RFX4: variants seen among roughly 807,000 people sequenced by gnomAD.
RFX4 encodes the protein transcription factor RFX4.
RFX4 carries 10 observed loss-of-function variants against 95.0 expected under a neutral mutation model. The ratio of observed to expected loss-of-function variants is 0.11; its 90% CI spans 0.06 to 0.18. The LOEUF (loss-of-function observed/expected upper bound fraction) is 0.18, where lower values mean the gene tolerates loss of function less well. Ranked by LOEUF, RFX4 falls within the 10% of genes least tolerant of loss-of-function variation. RFX4 has a pLI of 1.00. For synonymous variants in RFX4, 321 were observed against 340.7 expected (o/e 0.94, Z 0.64); for missense variants, 640 against 922.0 (o/e 0.69, Z 3.96).
chr12:106,635,630 C>A (rs750855583), intron 2 of RFX4, among the ~76,000 whole-genome samples: 5 of 152,100 alleles, frequency 3.3e-5, no homozygotes, highest in Non-Finnish European at 5.9e-5. Context: ...TTTCATATAG[C>A]CTTTTCTTTC....
intron 4 of RFX4, among the ~76,000 whole-genome samples, chr12:106,665,978 CCTTT>C (rs1329395594): frequency 1.3e-5 from 2 of 151,940 alleles, no homozygotes; most frequent in Non-Finnish European, 1.5e-5. Context: ...CAGTCCTCTT[CCTTT>C]CTTTGTGTAA....
chr12:106,614,108 T>C (rs2040018513), intron 2 of RFX4, among the ~76,000 whole-genome samples: 1 of 152,220 alleles, frequency 6.6e-6, no homozygotes, highest in South Asian at 2.1e-4. Context: ...ATAATGACTG[T>C]AGCATCTTAT....
At chr12:106,745,858 A>G (rs2042881929) in intron 15 of RFX4, among the ~76,000 whole-genome samples, 1 of 152,186 alleles carries the variant, frequency 6.6e-6, no homozygotes, top group African/African-American at 2.4e-5. Context: ...ATACTAACAT[A>G]TTTTAAAATT....
intron 5 of RFX4, chr12:106,684,963 T>C: frequency 6.2e-7 from 1 of 1,602,132 alleles, no homozygotes; most frequent in Non-Finnish European, 8.5e-7. Context: ...TGCTCATCTC[T>C]TCCCTCCTCG....
At chr12:106,614,230 A>G (rs2040021098) in intron 2 of RFX4, among the ~76,000 whole-genome samples, 1 of 151,040 alleles carries the variant, frequency 6.6e-6, no homozygotes, top group South Asian at 2.1e-4. Flanking sequence ...GCATGATCTC[A>G]GCTCACTGCA....
chr12:106,600,003 C>A (rs1353803995), intron 1 of RFX4, among the ~76,000 whole-genome samples: 2 of 152,084 alleles, frequency 1.3e-5, no homozygotes, highest in Admixed American at 1.3e-4. Flanking sequence ...TTGCTTATGC[C>A]CCACTCTACT....
intron 5 of RFX4, among the ~76,000 whole-genome samples, chr12:106,685,680 C>A (rs1458369108): frequency 6.6e-6 from 1 of 152,154 alleles, no homozygotes; most frequent in Non-Finnish European, 1.5e-5. Flanking sequence ...ATAAGACTAT[C>A]TTGCAGTGTT....
chr12:106,720,410 C>G lies in RFX4; in HGVS notation c.1234-349C>G, dbSNP rs1382021984. Among the ~76,000 whole-genome samples the G allele has an allele frequency of 1.3e-5, 2 of 152,334 alleles. No individual in the cohort carries two copies. Among genetic ancestry groups the G allele is most frequent in the South Asian group, 4.1e-4 (2 of 4,830 alleles). ...TATTTATTTATTTTTGAGACAGGGT[C>G]TCACTTTGTTGCCCAGGCTGGAGTG... On this transcript the variant is annotated intron_variant, in intron 12 of 17. Coordinates refer to ENST00000392842, the MANE Select transcript of RFX4 (RefSeq NM_213594.3). The surrounding 1 kb of genome is among the most constrained non-coding windows in gnomAD (Gnocchi z 4.2).
At chr12:106,650,079 C>T (rs549908998) in intron 3 of RFX4, among the ~76,000 whole-genome samples, 2 of 152,316 alleles carry the variant, frequency 1.3e-5, no homozygotes, top group South Asian at 4.1e-4. Flanking sequence ...GGGCCACCTC[C>T]CCTAGAGGTA....
At chr12:106,635,681 G>A (rs990318571) in intron 2 of RFX4, among the ~76,000 whole-genome samples, 1 of 152,060 alleles carries the variant, frequency 6.6e-6, no homozygotes, top group African/African-American at 2.4e-5. Flanking sequence ...CTAGAAGTTG[G>A]GTTGTGAGGA....
chr12:106,634,742 C>G (rs556546472), intron 2 of RFX4, among the ~76,000 whole-genome samples: 1 of 152,186 alleles, frequency 6.6e-6, no homozygotes, highest in Non-Finnish European at 1.5e-5. Context: ...ACCTTCCCCC[C>G]ATCTGGTGCC....
rs560121211 is a variant in RFX4 at position 106,669,044 on chromosome 12, T to A, written c.316-12949T>A. 8.4e-4 allele frequency among the ~76,000 whole-genome samples: 128 copies of A among 152,374 alleles called. 2 individuals carry two copies. The South Asian group carries it at 0.02, about 24-fold the overall frequency. On this transcript the variant is annotated intron_variant, in intron 4 of 17. Transcript: ENST00000392842. ...TTATTTAAGTCTGTAAAAATGCAACTAGAACAGGATAAGATCATTCATTAA... is the reference window on the plus strand; with the variant it reads ...TTATTTAAGTCTGTAAAAATGCAACAAGAACAGGATAAGATCATTCATTAA...
At chr12:106,652,768 G>A (rs2040878871) in intron 3 of RFX4, among the ~76,000 whole-genome samples, 1 of 152,178 alleles carries the variant, frequency 6.6e-6, no homozygotes, top group Non-Finnish European at 1.5e-5. Context: ...GGAATAAGTT[G>A]AGCGAGTGCT....
At chr12:106,659,553 T>C (rs572350973) in intron 4 of RFX4, among the ~76,000 whole-genome samples, 1 of 152,352 alleles carries the variant, frequency 6.6e-6, no homozygotes, top group African/African-American at 2.4e-5. Context: ...GAATGCAACA[T>C]TCAGTTTTCA....
At chr12:106,626,827 A>T (rs1348601853) in intron 2 of RFX4, among the ~76,000 whole-genome samples, 1 of 152,174 alleles carries the variant, frequency 6.6e-6, no homozygotes, top group Non-Finnish European at 1.5e-5. Context: ...GAGGTGCTCA[A>T]GTCCTCTAGT....
intron 2 of RFX4, among the ~76,000 whole-genome samples, chr12:106,624,881 G>A (rs1347436152): frequency 6.6e-6 from 1 of 152,104 alleles, no homozygotes; most frequent in East Asian, 1.9e-4. Context: ...GCCTGCCATA[G>A]AGTGTATCTC....
intron 5 of RFX4, chr12:106,685,059 G>T: frequency 1.0e-5 from 13 of 1,286,454 alleles, no homozygotes; most frequent in Middle Eastern, 3.3e-4. Flanking sequence ...GAGAAAAGTA[G>T]TTAATATGTT....
intron 1 of RFX4, among the ~76,000 whole-genome samples, chr12:106,584,664 T>C (rs1351577119): frequency 6.6e-6 from 1 of 152,228 alleles, no homozygotes; most frequent in Non-Finnish European, 1.5e-5. Context: ...CCAGAAGGTC[T>C]TTCCTCGGTC....
intron 3 of RFX4, among the ~76,000 whole-genome samples, chr12:106,651,609 A>G (rs376770666): frequency 2.0e-5 from 3 of 152,184 alleles, no homozygotes; most frequent in South Asian, 2.1e-4. Context: ...TGTCTCCCCA[A>G]ATAGACTGCA....
Sources: gnomAD v4.1 joint callset for allele counts (sites outside exome capture counted in the v4.1 genomes callset) on GRCh38, gnomAD v4.1.1 for gene constraint, Gnocchi (gnomAD v3.1) non-coding constraint, MANE v1.5 for transcripts, NCBI Gene and HGNC (gene_info 2026-07-23, HGNC 2026-07-21) for gene names.